Variants in CHD1L observed in about 807,000 individuals in gnomAD.
CHD1L encodes the protein chromodomain helicase DNA binding protein 1 like.
In CHD1L, 118 loss-of-function variants were observed where a neutral mutation model predicts 115.9. That is an observed-to-expected ratio of 1.02 (90% confidence interval 0.88 to 1.19). The LOEUF is 1.19. Among genes scored for constraint, CHD1L ranks in the 50% most tolerant of loss-of-function variants. CHD1L has a pLI of 0.00. For missense variants in CHD1L, 1,179 were observed against 1,065.3 expected, an observed-to-expected ratio of 1.11 and a Z score of -1.49; for synonymous variants, 411 against 387.1, an observed-to-expected ratio of 1.06 and a Z score of -0.72.
rs1480336902 is a variant in CHD1L at position 147,255,910 on chromosome 1, C to T, written c.445C>T (p.Leu149=). ...GAAACAGGAGTCACGTTTTCATGTGCTACTGACTACCTATGAGGTATTCAT... is the reference window on the plus strand; with the variant it reads ...GAAACAGGAGTCACGTTTTCATGTGTTACTGACTACCTATGAGGTATTCAT... ...DLKQESRFHV[L]LTTYEICLKD... is the part of the protein sequence containing the mutation. Residue 149 remains leucine, a synonymous_variant, in exon 4 of 23, where the codon CTA becomes TTA. Coordinates refer to ENST00000369258, the MANE Select transcript of CHD1L (RefSeq NM_004284.6). 6.2e-7 allele frequency: 1 copy of T among 1,612,592 alleles called. No individual in the cohort carries two copies. The highest frequency in any genetic ancestry group is 1.7e-5 in the Admixed American group (1 of 59,958).
intron 10 of CHD1L, 96 bp downstream of exon 10, chr1:147,268,974 T>TC (rs1553950770): frequency 1.4e-6 from 1 of 711,576 alleles, no homozygotes; most frequent in Non-Finnish European, 2.0e-6. Context: ...ATTCCAGTTT[T>TC]CTTTTTTTTC....
At chr1:147,260,480 G>C (rs1337632581) in intron 6 of CHD1L, 2 of 152,016 alleles carry the variant, frequency 1.3e-5, no homozygotes, top group East Asian at 1.9e-4. Context: ...TTTTATATTG[G>C]AGATAGGTTT....
the CHD1L span, among the ~76,000 whole-genome samples, chr1:147,191,182 C>A: frequency 6.6e-6 from 1 of 152,086 alleles, no homozygotes; most frequent in African/African-American, 2.4e-5. Flanking sequence ...GATTTATAAT[C>A]CTTTGGGTAT....
chr1:147,221,464 G>A, the CHD1L span, among the ~76,000 whole-genome samples: 1 of 152,110 alleles, frequency 6.6e-6, no homozygotes. Context: ...GTACATAAGT[G>A]TATATATTTT....
the CHD1L span, chr1:147,203,862 T>C: frequency 2.5e-6 from 4 of 1,581,292 alleles, no homozygotes; most frequent in Non-Finnish European, 3.5e-6. Flanking sequence ...ACCACCTGAG[T>C]ATCTCCAACT....
chr1:147,193,751 C>T, the CHD1L span, among the ~76,000 whole-genome samples: 17 of 152,072 alleles, frequency 1.1e-4, no homozygotes, highest in South Asian at 4.1e-4. Context: ...TTTCTGCTTT[C>T]GTTTCGTTAT....
chr1:147,227,463 T>G, the CHD1L span, among the ~76,000 whole-genome samples: 1 of 152,250 alleles, frequency 6.6e-6, no homozygotes, highest in African/African-American at 2.4e-5. Context: ...CAATTGTGTC[T>G]TATAATTAAT....
the CHD1L span, among the ~76,000 whole-genome samples, chr1:147,223,132 C>T: frequency 6.6e-6 from 1 of 152,184 alleles, no homozygotes; most frequent in African/African-American, 2.4e-5. Flanking sequence ...CCCAAAGTCA[C>T]ACTGCTAGTA....
chr1:147,284,298 A>G, intron 15 of CHD1L, 53 bp from the exon 16 acceptor site: 1 of 1,398,706 alleles, frequency 7.1e-7, no homozygotes, highest in Admixed American at 2.3e-5. Context: ...AATAGCATTA[A>G]TCTATTTTTC....
At chr1:147,222,130 G>C in the CHD1L span, among the ~76,000 whole-genome samples, 1 of 152,210 alleles carries the variant, frequency 6.6e-6, no homozygotes, top group South Asian at 2.1e-4. Context: ...CACACCTTGG[G>C]AGGCCGAGGT....
the CHD1L span, among the ~76,000 whole-genome samples, chr1:147,220,908 C>A: frequency 7.0e-6 from 1 of 142,988 alleles, no homozygotes; most frequent in African/African-American, 2.6e-5. Flanking sequence ...ATGCTAATTT[C>A]TTACTTATAA....
chr1:147,231,951 C>T, the CHD1L span, among the ~76,000 whole-genome samples: 1 of 152,198 alleles, frequency 6.6e-6, no homozygotes, highest in South Asian at 2.1e-4. Context: ...CACCCACTTT[C>T]TGACACTCCC....
chr1:147,255,111 A>G, intron 3 of CHD1L, 135 bp downstream of exon 3: 2 of 575,234 alleles, frequency 3.5e-6, no homozygotes, highest in Non-Finnish European at 6.0e-6. Flanking sequence ...GAGCTGATAG[A>G]GTGTAGGTAG....
In CHD1L at chr1:147,246,960, AT is replaced by A. The variant is rs587622485; in HGVS notation, c.127+4133del. On this transcript the variant is annotated intron_variant, in intron 1 of 22. Coordinates refer to ENST00000369258, the MANE Select transcript of CHD1L (RefSeq NM_004284.6). ...TTTCCTAAAAGTTTTACAGCTTCTT[AT>A]TTAAGTCCATGATCTACTTTGAGTT... Among the ~76,000 whole-genome samples the A allele has an allele frequency of 3.1e-3, 475 of 152,262 alleles. 4 individuals carry two copies. The highest frequency in any genetic ancestry group is 0.011 in the African/African-American group (457 of 41,546).
Position 147,242,747 on chromosome 1 carries a change from G to T in CHD1L, c.44G>T (p.Gly15Val). 1 of 1,263,966 alleles carries T rather than the reference G, an allele frequency of 7.9e-7. No homozygotes were observed. The highest frequency in any genetic ancestry group is 1.0e-6 in the Non-Finnish European group (1 of 997,914). 78.3% of individuals were successfully genotyped at this position (1,263,966 alleles called of 1,614,324 possible). ...GATSRGGQAP[G>V]FLLRLHTEGR... ...ACTAGCCGCGGGGGCCAAGCCCCTG[G>T]CTTCTTACTGCGGCTTCATACTGAG... is the stretch of plus-strand genomic sequence containing the variant. Residue 15 changes from glycine to valine, a missense_variant, in exon 1 of 23, where the codon GGC becomes GTC. By Grantham distance (109) the Gly-to-Val change is moderately radical. Coordinates refer to ENST00000369258, the MANE Select transcript of CHD1L (RefSeq NM_004284.6).
chr1:147,259,329 C>A (rs1671153395), intron 5 of CHD1L: 1 of 152,352 alleles, frequency 6.6e-6, no homozygotes, highest in Non-Finnish European at 1.5e-5. Context: ...TCACCACTTA[C>A]CCATTTTAAA....
chr1:147,254,941 G>A lies in CHD1L; in HGVS notation c.312G>A (p.Leu104=). ...GGCCATTTCTGATTCTTTGTCCCTTGTCTGTTTTGAGCAACTGGAAAGAAG... is the reference window on the plus strand; with the variant it reads ...GGCCATTTCTGATTCTTTGTCCCTTATCTGTTTTGAGCAACTGGAAAGAAG... The part of the protein sequence containing the change: ...DEGPFLILCP[L]SVLSNWKEEM... The change falls in exon 3 of 23, where the codon TTG becomes TTA. Residue 104 remains leucine (L), a synonymous_variant. Coordinates refer to ENST00000369258, the MANE Select transcript of CHD1L (RefSeq NM_004284.6). 1 of 1,608,236 alleles carries A rather than the reference G, an allele frequency of 6.2e-7. No individual in the cohort carries two copies. Among genetic ancestry groups the A allele is most frequent in the South Asian group, 1.1e-5 (1 of 89,876 alleles).
intron 22 of CHD1L, 122 bp downstream of exon 22, chr1:147,294,639 C>G (rs1686894212): frequency 3.1e-6 from 2 of 643,888 alleles, no homozygotes; most frequent in Admixed American, 6.1e-5. Context: ...TACTTTCCCC[C>G]TCTTCAGTGA....
upstream of CHD1L, among the ~76,000 whole-genome samples, chr1:147,238,727 C>T (rs148359596): frequency 9.2e-5 from 14 of 152,236 alleles, no homozygotes; most frequent in East Asian, 2.5e-3. Context: ...ATCATATGCC[C>T]TAGATTTTAA....
Sources: gnomAD v4.1 joint callset for allele counts (sites outside exome capture counted in the v4.1 genomes callset) on GRCh38, gnomAD v4.1.1 for gene constraint, MANE v1.5 for transcripts, NCBI Gene and HGNC (gene_info 2026-07-23, HGNC 2026-07-21) for gene names.